REEP5: variants seen among roughly 807,000 people sequenced by gnomAD.
REEP5 encodes the protein receptor expression-enhancing protein 5.
A neutral mutation model predicts 22.4 loss-of-function variants in REEP5; 24 were observed. The ratio of observed to expected loss-of-function variants is 1.07; its 90% CI spans 0.78 to 1.51. The LOEUF is 1.51. Ranked by LOEUF, REEP5 falls within the 40% of genes most tolerant of loss-of-function variation. The pLI is 0.00. For missense variants in REEP5, 252 were observed against 233.0 expected, an observed-to-expected ratio of 1.08 and a Z score of -0.53; for synonymous variants, 103 against 88.6, an observed-to-expected ratio of 1.16 and a Z score of -0.92.
chr5:112,901,583 A>AT (rs1768845852), intron 3 of REEP5, among the ~76,000 whole-genome samples: 1 of 152,096 alleles, frequency 6.6e-6, no homozygotes. Flanking sequence ...GTGGTGGCAC[A>AT]TGCCTGTAAT....
intron 3 of REEP5, chr5:112,891,542 T>C (rs1432725109): frequency 1.3e-6 from 2 of 1,493,654 alleles, no homozygotes; most frequent in Admixed American, 2.0e-5. Context: ...ACATAAAATA[T>C]TCATAAGTAG....
chr5:112,898,085 T>C (rs1480364999), intron 3 of REEP5: 3 of 152,056 alleles, frequency 2.0e-5, no homozygotes, highest in African/African-American at 4.8e-5. Flanking sequence ...AACAAACCCA[T>C]GTCCTTACTT....
intron 2 of REEP5, among the ~76,000 whole-genome samples, chr5:112,908,871 T>TTTTC (rs1161784825): frequency 2.0e-5 from 3 of 151,570 alleles, no homozygotes; most frequent in African/African-American, 7.3e-5. Flanking sequence ...ATGATTTTTT[T>TTTTC]TTTTTTTTTA....
chr5:112,892,455 G>A, intron 3 of REEP5: 2 of 1,614,092 alleles, frequency 1.2e-6, no homozygotes, highest in Non-Finnish European at 1.7e-6. Flanking sequence ...CTCACCTGAG[G>A]GGCAATGTAT....
intron 3 of REEP5, chr5:112,891,611 T>G (rs1768450591): frequency 1.3e-6 from 2 of 1,574,072 alleles, no homozygotes; most frequent in Admixed American, 1.9e-5. Flanking sequence ...AGGTTAAGAA[T>G]GTCTGAGGGG....
Position 112,902,400 on chromosome 5 carries a change from G to A in REEP5, c.331C>T (p.Pro111Ser). ...CATACCTTCAGCATGTAGTAGAAGG[G>A]GAACCATGACAGGAAGATATCAGAG... is the stretch of plus-strand genomic sequence containing the variant. ...FFSDIFLSWFPFYYMLKCGFL... is the reference protein window; with the variant it reads ...FFSDIFLSWFSFYYMLKCGFL... The change falls in exon 3 of 5, where the codon CCC becomes TCC. Residue 111 changes from proline (P) to serine (S), a missense_variant. By Grantham distance (74) the Pro-to-Ser change is moderately conservative. Coordinates refer to ENST00000379638, the MANE Select transcript of REEP5 (RefSeq NM_005669.5). 1 of 1,612,578 alleles carries A rather than the reference G, an allele frequency of 6.2e-7. No individual in the cohort carries two copies. The highest frequency in any genetic ancestry group is 8.5e-7 in the Non-Finnish European group (1 of 1,179,506).
chr5:112,884,620 C>T (rs1487115425), intron 4 of REEP5, among the ~76,000 whole-genome samples: 1 of 152,022 alleles, frequency 6.6e-6, no homozygotes, highest in African/African-American at 2.4e-5. Flanking sequence ...CTTCTGGCCT[C>T]AAGTGATCTC....
intron 3 of REEP5, chr5:112,894,116 T>G (rs1165784763): frequency 9.1e-5 from 10 of 109,586 alleles, no homozygotes; most frequent in South Asian, 7.2e-4. Context: ...GTTTTTTTGG[T>G]TTTTTTTGTT....
At chr5:112,893,549 T>A (rs151308578) in intron 3 of REEP5, 31 of 154,068 alleles carry the variant, frequency 2.0e-4, no homozygotes, top group African/African-American at 6.3e-4. Context: ...ATTCCTTACA[T>A]TTAAAGACTC....
chr5:112,889,073 C>A (rs964830823), intron 3 of REEP5, among the ~76,000 whole-genome samples: 4 of 150,874 alleles, frequency 2.7e-5, no homozygotes, highest in Non-Finnish European at 4.4e-5. Flanking sequence ...GCTTTTCCTT[C>A]ATCTTCCACC....
At chr5:112,907,803 T>C (rs1177643625) in intron 2 of REEP5, among the ~76,000 whole-genome samples, 1 of 152,184 alleles carries the variant, frequency 6.6e-6, no homozygotes, top group Non-Finnish European at 1.5e-5. Context: ...CAATGAAATA[T>C]TCTGAAGCCT....
At chr5:112,885,203 T>C in intron 4 of REEP5, 1 of 171,458 alleles carries the variant, frequency 5.8e-6, no homozygotes, top group South Asian at 1.1e-4. Context: ...AGATGGTGAG[T>C]GCTGTGGGGG....
intron 4 of REEP5, 137 bp downstream of exon 4, chr5:112,886,878 T>C (rs756609132): frequency 3.4e-5 from 20 of 593,974 alleles, no homozygotes; most frequent in Admixed American, 2.1e-4. Context: ...GCAAAGACTT[T>C]GTAAAGAAAT....
intron 2 of REEP5, among the ~76,000 whole-genome samples, chr5:112,913,204 A>G (rs1769145379): frequency 6.6e-6 from 1 of 152,146 alleles, no homozygotes; most frequent in Non-Finnish European, 1.5e-5. Context: ...CTGAGGCAGG[A>G]GAATCGCTTG....
At chr5:112,921,667 A>G (rs1769371770) in intron 1 of REEP5, 2 of 239,596 alleles carry the variant, frequency 8.3e-6, no homozygotes, top group South Asian at 1.3e-4. Context: ...CGCCCACCCG[A>G]GAGGCGCCCT....
intron 2 of REEP5, among the ~76,000 whole-genome samples, chr5:112,917,304 G>C (rs1286970909): frequency 6.6e-6 from 1 of 152,088 alleles, no homozygotes; most frequent in Non-Finnish European, 1.5e-5. Context: ...ACCAAGCCTG[G>C]CCTCTGTGTG....
At chr5:112,895,238 A>AAAAAAAG (rs1768646027) in intron 3 of REEP5, 2 of 12,126 alleles carry the variant, frequency 1.6e-4, no homozygotes, top group African/African-American at 2.8e-4. Flanking sequence ...ACTCTGTCTC[A>AAAAAAAG]AAAAAAAAAA....
At chr5:112,881,414 A>G (rs143314026) in intron 4 of REEP5, among the ~76,000 whole-genome samples, 2,209 of 152,244 alleles carry the variant, frequency 0.015, 13 homozygotes, top group Middle Eastern at 0.037. Context: ...CCTTTCTCCA[A>G]TTTCTAAAAT....
chr5:112,901,919 T>C (rs1451319976), intron 3 of REEP5, among the ~76,000 whole-genome samples: 2 of 146,788 alleles, frequency 1.4e-5, no homozygotes, highest in African/African-American at 5.1e-5. Context: ...GCCAAGATCA[T>C]GCCACTGCAC....
Sources: allele counts gnomAD v4.1 joint callset (sites outside exome capture counted in the v4.1 genomes callset), GRCh38; gene constraint gnomAD v4.1.1; transcripts MANE v1.5; gene names NCBI Gene and HGNC (gene_info 2026-07-23, HGNC 2026-07-21).